The following GRID2 variants were observed in gnomAD, a reference collection of about 807,000 sequenced individuals.
GRID2 encodes glutamate receptor ionotropic, delta-2.
In GRID2, 33 loss-of-function variants were observed where a neutral mutation model predicts 114.8. The observed-to-expected ratio is 0.29, with a 90% CI of 0.22 to 0.38. The LOEUF (loss-of-function observed/expected upper bound fraction) is 0.38, where lower values mean the gene tolerates loss of function less well. Among genes scored for constraint, GRID2 ranks in the 10% least tolerant of loss-of-function variants. The pLI, the probability that GRID2 is intolerant of heterozygous loss-of-function variation, is 1.00. For synonymous variants in GRID2, 505 were observed against 449.9 expected, an observed-to-expected ratio of 1.12 and a Z score of -1.55; for missense variants, 1,184 against 1,257.7, an observed-to-expected ratio of 0.94 and a Z score of 0.89.
At chr4:92,428,485 G>A (rs1732269498) in intron 1 of GRID2, among the ~76,000 whole-genome samples, 1 of 151,828 alleles carries the variant, frequency 6.6e-6, no homozygotes, top group African/African-American at 2.4e-5. Flanking sequence ...AACTATAACA[G>A]GTTTATTTTT....
At chr4:93,136,068 T>C (rs1735214995) in intron 4 of GRID2, among the ~76,000 whole-genome samples, 1 of 152,174 alleles carries the variant, frequency 6.6e-6, no homozygotes, top group African/African-American at 2.4e-5. Context: ...ACAGGATAAT[T>C]ACTTTACTAT....
Position 92,304,669 on chromosome 4 carries a change from C to A in GRID2, c.13C>A (p.Pro5Thr), listed in dbSNP as rs1245161563. 1 of 1,612,490 alleles carries A rather than the reference C, an allele frequency of 6.2e-7. No homozygotes were observed. Among genetic ancestry groups the A allele is most frequent in the East Asian group, 2.2e-5 (1 of 44,856 alleles). ...GGCATAGGAGGAGATGGAAGTTTTC[C>A]CCTTTCTCTTGGTTTTGTCCGTCTG... is the stretch of plus-strand genomic sequence containing the variant. Reference protein sequence around the residue: MEVFPFLLVLSVWWS... With the variant: MEVFTFLLVLSVWWS... Residue 5 changes from proline (P) to threonine (T), a missense_variant, in exon 1 of 16, where the codon CCC becomes ACC. Pro to Thr is a conservative substitution (Grantham distance 38). Around this residue, in one of 3 missense-constraint regions of GRID2, gnomAD observed 455 missense variants for 429.5 expected, o/e 1.06. Transcript: ENST00000282020.
At chr4:92,851,518 T>C (rs561609117) in intron 2 of GRID2, among the ~76,000 whole-genome samples, 7 of 151,946 alleles carry the variant, frequency 4.6e-5, no homozygotes, top group Non-Finnish European at 1.0e-4. Flanking sequence ...TTGAATAGTT[T>C]TTCCTTCTTC....
intron 2 of GRID2, among the ~76,000 whole-genome samples, chr4:92,740,966 C>A (rs999342612): frequency 1.3e-5 from 2 of 152,008 alleles, no homozygotes; most frequent in Admixed American, 6.6e-5. Context: ...GTTGGGCAGG[C>A]TGGTCTTGAA....
intron 2 of GRID2, among the ~76,000 whole-genome samples, chr4:92,867,600 A>G (rs1317005186): frequency 6.8e-6 from 1 of 147,550 alleles, no homozygotes; most frequent in Non-Finnish European, 1.5e-5. Flanking sequence ...TTTTTTTTGC[A>G]TGTCAAGCTT....
At chr4:92,924,674 C>A (rs1325482521) in intron 2 of GRID2, among the ~76,000 whole-genome samples, 5 of 152,088 alleles carry the variant, frequency 3.3e-5, no homozygotes, top group Non-Finnish European at 1.5e-5. Context: ...GCCTGGAGAA[C>A]AAAAACACAG....
chr4:93,524,778 T>A (rs903192583), intron 13 of GRID2, among the ~76,000 whole-genome samples: 5 of 98,486 alleles, frequency 5.1e-5, no homozygotes, highest in Non-Finnish European at 1.0e-4. Context: ...AATATATGTA[T>A]GTATGTGTAT....
At chr4:92,311,090 C>T (rs1725683296) in intron 1 of GRID2, among the ~76,000 whole-genome samples, 1 of 151,884 alleles carries the variant, frequency 6.6e-6, no homozygotes, top group Non-Finnish European at 1.5e-5. Context: ...CAAGGTGTTA[C>T]CTACAGCATC....
chr4:92,515,019 C>T (rs1399956318), intron 1 of GRID2, among the ~76,000 whole-genome samples: 1 of 151,892 alleles, frequency 6.6e-6, no homozygotes, highest in Admixed American at 6.6e-5. Context: ...ATTAGTGATT[C>T]TCCACAATTG....
chr4:92,600,024 ATGTGTGTG>A (rs145357264), intron 2 of GRID2, among the ~76,000 whole-genome samples: 100 of 79,642 alleles, frequency 1.3e-3, no homozygotes, highest in Middle Eastern at 7.7e-3. Context: ...TACTTCATGT[ATGTGTGTG>A]TGTGTGTGTG....
At chr4:93,463,874 A>G (rs1724003961) in intron 11 of GRID2, among the ~76,000 whole-genome samples, 1 of 152,210 alleles carries the variant, frequency 6.6e-6, no homozygotes, top group East Asian at 1.9e-4. Flanking sequence ...CTGTAGTCCC[A>G]GCTACTCGGG....
chr4:93,591,760 C>T, intron 13 of GRID2, among the ~76,000 whole-genome samples: 1 of 152,154 alleles, frequency 6.6e-6, no homozygotes, highest in East Asian at 1.9e-4. Context: ...TTCAGAGATT[C>T]AACTTCTTCC....
At chr4:92,868,512 A>T (rs1745061562) in intron 2 of GRID2, among the ~76,000 whole-genome samples, 3 of 152,210 alleles carry the variant, frequency 2.0e-5, no homozygotes, top group Non-Finnish European at 2.9e-5. Context: ...TTATTAAAAC[A>T]GATTAGTGGA....
Position 93,479,218 on chromosome 4 carries a change from C to T in GRID2, c.1859-11421C>T, listed in dbSNP as rs1725617418. ...CCTTCATTTTAAAAATACTTTATTG[C>T]TAAAAAATGCTGATGGAGAGACATG... On this transcript the variant is annotated intron_variant, in intron 11 of 15. Coordinates refer to ENST00000282020, the MANE Select transcript of GRID2 (RefSeq NM_001510.4). Among the ~76,000 whole-genome samples the T allele has an allele frequency of 2.6e-5, 4 of 151,784 alleles. No individual in the cohort carries two copies. In the South Asian group the frequency reaches 8.3e-4, roughly 32 times the overall value.
chr4:93,082,905 T>C lies in GRID2; in HGVS notation c.245-2090T>C, dbSNP rs543819923. Among the ~76,000 whole-genome samples, 21 of 152,304 alleles carry C rather than the reference T, an allele frequency of 1.4e-4. No individual in the cohort carries two copies. The South Asian group carries it at 4.3e-3, about 32-fold the overall frequency. ...AGCAAATGTATCTACTAAGCAAGAT[T>C]AATATATGACTTTTCATTTTGGAAT... On this transcript the variant is annotated intron_variant, in intron 2 of 15. Coordinates refer to ENST00000282020, the MANE Select transcript of GRID2 (RefSeq NM_001510.4).
intron 4 of GRID2, among the ~76,000 whole-genome samples, chr4:93,189,615 T>A (rs1489335276): frequency 2.6e-5 from 4 of 152,124 alleles, no homozygotes; most frequent in African/African-American, 9.7e-5. Context: ...GTACTTTCAT[T>A]CAATCATATT....
intron 8 of GRID2, among the ~76,000 whole-genome samples, chr4:93,343,449 G>T (rs115438675): frequency 1.9e-3 from 294 of 152,022 alleles, no homozygotes; most frequent in African/African-American, 6.9e-3. Context: ...TCAACTGTAC[G>T]CTTCATAAGA....
intron 2 of GRID2, among the ~76,000 whole-genome samples, chr4:92,806,465 G>T (rs533937344): frequency 1.3e-5 from 2 of 151,580 alleles, no homozygotes; most frequent in South Asian, 4.2e-4. Flanking sequence ...CCCTTTCCTA[G>T]TATGTATTTT....
intron 8 of GRID2, among the ~76,000 whole-genome samples, chr4:93,377,251 T>A (rs941228022): frequency 6.6e-6 from 1 of 152,242 alleles, no homozygotes; most frequent in South Asian, 2.1e-4. Flanking sequence ...TATTTGAAAA[T>A]TTTTATACTG....
Sources: allele counts gnomAD v4.1 joint callset (sites outside exome capture counted in the v4.1 genomes callset), GRCh38; gene constraint gnomAD v4.1.1; regional missense constraint gnomAD v4.1.1; transcripts MANE v1.5; gene names NCBI Gene and HGNC (gene_info 2026-07-23, HGNC 2026-07-21).